Variants in KDM4A observed in about 807,000 individuals in gnomAD.
KDM4A encodes lysine demethylase 4A, also known as lysine-specific demethylase 4A.
KDM4A carries 23 observed loss-of-function variants against 127.1 expected under a neutral mutation model. The ratio of observed to expected loss-of-function variants is 0.18; its 90% CI spans 0.13 to 0.26. The LOEUF (loss-of-function observed/expected upper bound fraction) is 0.26. KDM4A is among the 10% of genes least tolerant of loss of function. The pLI is 1.00. For missense variants in KDM4A, 890 were observed against 1,329.1 expected (o/e 0.67, Z 5.14); for synonymous variants, 443 against 466.5 (o/e 0.95, Z 0.65).
chr1:43,663,084 C>G lies in KDM4A; in HGVS notation c.620C>G (p.Ser207Cys). The change falls in exon 5 of 22, where the codon TCC becomes TGC. Residue 207 changes from serine (S) to cysteine (C), a missense_variant. Transcript: ENST00000372396. ...INYLHFGEPK[S>C]WYSVPPEHGK... Reference sequence around the variant, plus strand: ...TACCTGCACTTTGGAGAACCAAAGTCCTGGTACAGTCTGCCTGCAGTCGGC... The same window carrying G: ...TACCTGCACTTTGGAGAACCAAAGTGCTGGTACAGTCTGCCTGCAGTCGGC... 1 of 1,611,748 alleles carries G rather than the reference C, an allele frequency of 6.2e-7. No individual in the cohort carries two copies. The highest frequency in any genetic ancestry group is 8.5e-7 in the Non-Finnish European group (1 of 1,178,610).
At position 43,703,614 on chromosome 1, in the gene KDM4A, C is replaced by A. The variant is rs751664578; in HGVS notation, c.2842-3C>A. 6.2e-7 allele frequency: 1 copy of A among 1,613,816 alleles called. No homozygotes were observed. The highest frequency in any genetic ancestry group is 1.7e-5 in the Admixed American group (1 of 59,990). ...TCACCCTCCTTCCTTCCTGTTTCCT[C>A]AGAGCCAGGACTGTCTCCAGTTTGG... On this transcript the variant is annotated splice_polypyrimidine_tract_variant and splice_region_variant and intron_variant, in intron 19 of 21. Transcript: ENST00000372396.
At chr1:43,692,084 C>T (rs1336313532) in intron 15 of KDM4A, among the ~76,000 whole-genome samples, 172 bp from the exon 16 acceptor site, 8 of 152,232 alleles carry the variant, frequency 5.3e-5, no homozygotes, top group Admixed American at 2.6e-4. Context: ...CCCTGAGTGG[C>T]CTCTCCTTCT....
rs181225986 is a variant in KDM4A at position 43,700,590 on chromosome 1, A to G, written c.2841+2577A>G. On this transcript the variant is annotated intron_variant, in intron 19 of 21. Transcript: ENST00000372396. ...CTCCCGAGTAGCTGGGACTACAGGC[A>G]TGCATGGCTATTTGTAGAAATGGGG... Among the ~76,000 whole-genome samples the G allele has an allele frequency of 9.4e-3, 1,436 of 152,278 alleles. 12 individuals carry two copies. Among genetic ancestry groups the G allele is most frequent in the Middle Eastern group, 0.017 (5 of 294 alleles).
chr1:43,686,646 C>T (rs1660989093), intron 12 of KDM4A, among the ~76,000 whole-genome samples: 1 of 152,128 alleles, frequency 6.6e-6, no homozygotes, highest in African/African-American at 2.4e-5. Flanking sequence ...CCCACAATAT[C>T]CTTTAATCTT....
chr1:43,658,012 C>T (rs1329668922), intron 3 of KDM4A, among the ~76,000 whole-genome samples: 1 of 151,272 alleles, frequency 6.6e-6, no homozygotes, highest in Non-Finnish European at 1.5e-5. Flanking sequence ...ATTAACCAGC[C>T]CTATGTCTAT....
chr1:43,679,467 G>A (rs1172179398), intron 11 of KDM4A, among the ~76,000 whole-genome samples: 1 of 152,150 alleles, frequency 6.6e-6, no homozygotes, highest in Non-Finnish European at 1.5e-5. Context: ...TTATAGCACT[G>A]GATCTATATT....
In KDM4A at chr1:43,704,398, G is replaced by C. The variant is rs368717803; in HGVS notation, c.*28G>C. ...GCTTCCAGGGTCCAAGGGATTCTCA[G>C]CCATCCAGGCAAGAGCACTCTGGGT... On this transcript the variant is annotated 3_prime_UTR_variant, in exon 22 of 22. Coordinates refer to ENST00000372396, the MANE Select transcript of KDM4A (RefSeq NM_014663.3). The C allele has an allele frequency of 6.2e-7, 1 of 1,605,534 alleles. No homozygotes were observed. Among genetic ancestry groups the C allele is most frequent in the South Asian group, 1.1e-5 (1 of 89,812 alleles).
At chr1:43,684,499 T>A (rs1354718181) in intron 12 of KDM4A, among the ~76,000 whole-genome samples, 1 of 151,058 alleles carries the variant, frequency 6.6e-6, no homozygotes, top group Non-Finnish European at 1.5e-5. Flanking sequence ...CGAGATGCCA[T>A]CTCAAAAAAA....
At chr1:43,701,884 A>G (rs1321929361) in intron 19 of KDM4A, among the ~76,000 whole-genome samples, 1 of 152,246 alleles carries the variant, frequency 6.6e-6, no homozygotes, top group South Asian at 2.1e-4. Context: ...GAGACAACCA[A>G]AAGTGTCTTA....
intron 8 of KDM4A, among the ~76,000 whole-genome samples, chr1:43,667,548 G>C (rs1243527329): frequency 6.6e-6 from 1 of 152,154 alleles, no homozygotes; most frequent in Non-Finnish European, 1.5e-5. Context: ...TTAGTGCCCA[G>C]GTAGATTTGC....
intron 12 of KDM4A, among the ~76,000 whole-genome samples, chr1:43,685,434 T>C (rs965048563): frequency 6.6e-6 from 1 of 151,410 alleles, no homozygotes; most frequent in African/African-American, 2.4e-5. Context: ...CCTGATCTGA[T>C]GTCAGTGCCC....
At chr1:43,690,154 C>T (rs559446759) in intron 13 of KDM4A, among the ~76,000 whole-genome samples, 2 of 152,184 alleles carry the variant, frequency 1.3e-5, no homozygotes, top group Non-Finnish European at 2.9e-5. Context: ...AGGTGGGGCT[C>T]CAGCCATGTG....
intron 3 of KDM4A, among the ~76,000 whole-genome samples, chr1:43,658,007 C>G (rs1450423109): frequency 6.6e-6 from 1 of 151,336 alleles, no homozygotes; most frequent in Non-Finnish European, 1.5e-5. Flanking sequence ...TTTAAATTAA[C>G]CAGCCCTATG....
chr1:43,671,959 G>A, intron 11 of KDM4A, 84 bp downstream of exon 11: 1 of 1,435,906 alleles, frequency 7.0e-7, no homozygotes, highest in Non-Finnish European at 9.2e-7. Context: ...GGGGAGGGAG[G>A]TGGATCTGTG....
At chr1:43,695,214 G>C (rs1661214901) in intron 18 of KDM4A, among the ~76,000 whole-genome samples, 2 of 152,162 alleles carry the variant, frequency 1.3e-5, no homozygotes, top group South Asian at 4.1e-4. Flanking sequence ...TAGTGTCCGG[G>C]ACATGCAGAA....
chr1:43,692,051 C>T (rs1412814714), intron 15 of KDM4A, among the ~76,000 whole-genome samples: 1 of 152,230 alleles, frequency 6.6e-6, no homozygotes, highest in Non-Finnish European at 1.5e-5. Context: ...TGTGAAGTCA[C>T]GTGACTACTT....
At chr1:43,698,594 T>C (rs1661301606) in intron 19 of KDM4A, among the ~76,000 whole-genome samples, 1 of 152,178 alleles carries the variant, frequency 6.6e-6, no homozygotes. Flanking sequence ...TACCCCCACC[T>C]TGCCTTTTCA....
chr1:43,694,114 T>C lies in KDM4A; in HGVS notation c.2484+12T>C. On this transcript the variant is annotated intron_variant, in intron 17 of 21. Coordinates refer to ENST00000372396, the MANE Select transcript of KDM4A (RefSeq NM_014663.3). This position sits in a 1 kb window ranked among gnomAD's most constrained non-coding sequence, Gnocchi z 5.2. ...CCCGCTTCAAACTGGTAAGGGCTTG[T>C]AGACTCTACATAATTTCCCGACTTA... The C allele has an allele frequency of 6.3e-7, 1 of 1,595,970 alleles. No homozygotes were observed. The highest frequency in any genetic ancestry group is 1.1e-5 in the South Asian group (1 of 90,574).
Position 43,690,676 on chromosome 1 carries a change from G to A in KDM4A, c.2038-169G>A. The A allele has an allele frequency of 7.3e-6, 5 of 687,628 alleles. No individual in the cohort carries two copies. In the Admixed American group the frequency reaches 1.1e-4, roughly 15 times the overall value. The allele number at this position is 687,628 out of a possible 1,614,324, so 42.6% of individuals were successfully genotyped here. On this transcript the variant is annotated intron_variant, in intron 13 of 21. Coordinates refer to ENST00000372396, the MANE Select transcript of KDM4A (RefSeq NM_014663.3). ...TGCTGCTGTGAGAAACTGAATTTGA[G>A]TCATTACAGGTAACTTCAATTAGCA...
Sources: gnomAD v4.1 joint callset for allele counts (sites outside exome capture counted in the v4.1 genomes callset) on GRCh38, gnomAD v4.1.1 for gene constraint, Gnocchi (gnomAD v3.1) non-coding constraint, MANE v1.5 for transcripts, NCBI Gene and HGNC (gene_info 2026-07-23, HGNC 2026-07-21) for gene names.